Variants in ENTREP1 observed in about 807,000 individuals in gnomAD.
ENTREP1 encodes endosomal transmembrane epsin interactor 1.
chr9:69,349,043 G>A, the ENTREP1 span, among the ~76,000 whole-genome samples: 12 of 151,968 alleles, frequency 7.9e-5, no homozygotes, highest in Non-Finnish European at 1.6e-4. Context: ...AATTAGCCAG[G>A]CATGGTGGCG....
the ENTREP1 span, among the ~76,000 whole-genome samples, chr9:69,378,492 G>A: frequency 3.9e-5 from 6 of 152,148 alleles, no homozygotes; most frequent in East Asian, 1.2e-3. Flanking sequence ...TTTAGGCGCG[G>A]CGTGGTGGCT....
the ENTREP1 span, chr9:69,380,199 A>T: frequency 6.6e-6 from 1 of 152,244 alleles, no homozygotes; most frequent in African/African-American, 2.4e-5. Context: ...AAATTTTACC[A>T]ATATCAGAGT....
At chr9:69,370,480 C>G in the ENTREP1 span, among the ~76,000 whole-genome samples, 1 of 152,332 alleles carries the variant, frequency 6.6e-6, no homozygotes, top group Admixed American at 6.5e-5. Flanking sequence ...ACAGTAACAA[C>G]AGCAGCTTCC....
At chr9:69,366,603 A>G in the ENTREP1 span, among the ~76,000 whole-genome samples, 2 of 151,946 alleles carry the variant, frequency 1.3e-5, no homozygotes, top group South Asian at 4.2e-4. Flanking sequence ...TAGCAATAAA[A>G]TCTTTGCCTA....
At chr9:69,336,889 G>A in the ENTREP1 span, among the ~76,000 whole-genome samples, 71,744 of 151,630 alleles carry the variant, frequency 0.47, 17,276 homozygotes, top group South Asian at 0.53. Flanking sequence ...TAGTAGAGAC[G>A]GGGTTTCACT....
the ENTREP1 span, among the ~76,000 whole-genome samples, chr9:69,374,196 G>C: frequency 6.6e-6 from 1 of 152,064 alleles, no homozygotes; most frequent in Admixed American, 6.6e-5. Context: ...TCTGTTGTTT[G>C]TTCCTTTTTT....
the ENTREP1 span, among the ~76,000 whole-genome samples, chr9:69,367,646 CAT>C: frequency 2.0e-5 from 2 of 99,346 alleles, no homozygotes; most frequent in Non-Finnish European, 4.1e-5. Context: ...TATATACACA[CAT>C]ATATATAAAT....
the ENTREP1 span, chr9:69,383,614 A>G: frequency 1.2e-6 from 2 of 1,613,822 alleles, no homozygotes; most frequent in African/African-American, 2.7e-5. Context: ...TTCTGACGCC[A>G]AGTCGCTTTT....
At chr9:69,358,895 T>C in the ENTREP1 span, among the ~76,000 whole-genome samples, 2 of 136,698 alleles carry the variant, frequency 1.5e-5, no homozygotes, top group Admixed American at 8.3e-5. Context: ...TCTTTTTCTT[T>C]TTCTTTCTTT....
At chr9:69,328,934 C>T in the ENTREP1 span, among the ~76,000 whole-genome samples, 4 of 151,690 alleles carry the variant, frequency 2.6e-5, no homozygotes, top group Non-Finnish European at 5.9e-5. Context: ...GTAGATATGT[C>T]TGTTCTGGAT....
At chr9:69,380,261 T>TG in the ENTREP1 span, 1 of 152,390 alleles carries the variant, frequency 6.6e-6, no homozygotes, top group African/African-American at 2.4e-5. Context: ...TTTAGATACA[T>TG]GTCCTATCAA....
the ENTREP1 span, among the ~76,000 whole-genome samples, chr9:69,352,799 T>G: frequency 6.6e-6 from 1 of 152,170 alleles, no homozygotes; most frequent in African/African-American, 2.4e-5. Context: ...CATTTTAGTG[T>G]GTGCTTGAGA....
At chr9:69,330,597 A>G in the ENTREP1 span, among the ~76,000 whole-genome samples, 3 of 152,228 alleles carry the variant, frequency 2.0e-5, no homozygotes, top group Non-Finnish European at 4.4e-5. Context: ...AAACTAACAT[A>G]AAGATTATGG....
At chr9:69,338,796 A>G in the ENTREP1 span, among the ~76,000 whole-genome samples, 1 of 152,190 alleles carries the variant, frequency 6.6e-6, no homozygotes, top group African/African-American at 2.4e-5. Flanking sequence ...TTTCTGTATC[A>G]TCATCAATTT....
At chr9:69,330,084 A>G in the ENTREP1 span, among the ~76,000 whole-genome samples, 1 of 133,346 alleles carries the variant, frequency 7.5e-6, no homozygotes, top group Admixed American at 7.6e-5. Context: ...ATGGGAGTTA[A>G]CTAGGTTCCA....
At chr9:69,374,044 G>C in the ENTREP1 span, among the ~76,000 whole-genome samples, 1 of 152,096 alleles carries the variant, frequency 6.6e-6, no homozygotes, top group African/African-American at 2.4e-5. Context: ...GGCAACCACT[G>C]TTCCTGTTTC....
the ENTREP1 span, among the ~76,000 whole-genome samples, chr9:69,376,130 A>G: frequency 6.6e-6 from 1 of 152,256 alleles, no homozygotes; most frequent in Admixed American, 6.5e-5. Context: ...ATATATGTAT[A>G]TGTATACACA....
At chr9:69,326,137 A>G in the ENTREP1 span, among the ~76,000 whole-genome samples, 1 of 152,260 alleles carries the variant, frequency 6.6e-6, no homozygotes, top group East Asian at 1.9e-4. Flanking sequence ...CTGATGTATC[A>G]AGAATGCCTG....
the ENTREP1 span, among the ~76,000 whole-genome samples, chr9:69,346,599 CTTAACA>C: frequency 6.6e-6 from 1 of 152,140 alleles, no homozygotes; most frequent in African/African-American, 2.4e-5. Context: ...TTGTCAGTGT[CTTAACA>C]TTTACATTTT....
Sources: allele counts gnomAD v4.1 joint callset (sites outside exome capture counted in the v4.1 genomes callset), GRCh38; gene constraint gnomAD v4.1.1; transcripts MANE v1.5; gene names NCBI Gene and HGNC (gene_info 2026-07-23, HGNC 2026-07-21).